SYT9: variants seen among roughly 807,000 people sequenced by gnomAD.
SYT9 encodes the protein synaptotagmin-9.
A neutral mutation model predicts 48.4 loss-of-function variants in SYT9; 22 were observed. The ratio of observed to expected loss-of-function variants is 0.45; its 90% CI spans 0.32 to 0.65. The LOEUF is 0.65. Among genes scored for constraint, SYT9 ranks in the 30% least tolerant of loss-of-function variants. SYT9 has a pLI of 0.03. For synonymous variants in SYT9, 265 were observed against 245.0 expected (o/e 1.08, Z -0.76); for missense variants, 577 against 622.0 (o/e 0.93, Z 0.77).
chr11:7,240,463 A>G (rs1007863305), intron 1 of SYT9, among the ~76,000 whole-genome samples: 8 of 152,184 alleles, frequency 5.3e-5, no homozygotes, highest in Non-Finnish European at 8.8e-5. Flanking sequence ...TTTTTTCTTG[A>G]ATAATATATG....
chr11:7,240,996 C>T (rs1388061575), intron 1 of SYT9, among the ~76,000 whole-genome samples: 3 of 151,988 alleles, frequency 2.0e-5, no homozygotes, highest in Non-Finnish European at 2.9e-5. Flanking sequence ...CACTGACAAA[C>T]CTGAGGAATT....
upstream of SYT9, among the ~76,000 whole-genome samples, chr11:7,247,344 T>C (rs558794800): frequency 1.9e-4 from 29 of 151,748 alleles, no homozygotes; most frequent in Non-Finnish European, 1.5e-4. Context: ...AGTGAGAACA[T>C]AAGATGTTTG....
chr11:7,309,656 C>G (rs1472295572), intron 2 of SYT9, among the ~76,000 whole-genome samples: 1 of 152,150 alleles, frequency 6.6e-6, no homozygotes, highest in Non-Finnish European at 1.5e-5. Flanking sequence ...GCGTTTTCTT[C>G]CCACCTCTGT....
Position 7,303,120 on chromosome 11 carries a change from A to G in SYT9, c.227A>G (p.Lys76Arg). ...GGCGTGTCTCTCTTCGTATCTTGGA[A>G]ACTCTGCTGGGTTCCGTGGCGAGAA... ...LFGVSLFVSW[K>R]LCWVPWRERG... The change falls in exon 2 of 7, where the codon AAA (lysine) becomes AGA (arginine). Residue 76 changes from lysine (K) to arginine (R), a missense_variant. Lys to Arg is a conservative substitution (Grantham distance 26). Coordinates refer to ENST00000318881, the MANE Select transcript of SYT9 (RefSeq NM_175733.4). 1 of 1,613,956 alleles carries G rather than the reference A, an allele frequency of 6.2e-7. No homozygotes were observed. The highest frequency in any genetic ancestry group is 1.1e-5 in the South Asian group (1 of 91,048).
chr11:7,444,686 G>GT (rs1564906437), intron 6 of SYT9: 2 of 152,146 alleles, frequency 1.3e-5, no homozygotes, highest in African/African-American at 4.8e-5. Context: ...AGAGCCGAGA[G>GT]TATCTCCTGG....
chr11:7,392,226 T>A (rs1846637710), intron 3 of SYT9, among the ~76,000 whole-genome samples: 1 of 152,152 alleles, frequency 6.6e-6, no homozygotes, highest in South Asian at 2.1e-4. Flanking sequence ...CTTCTAAGAT[T>A]TTTATAGTTT....
chr11:7,304,847 T>A (rs1021564797), intron 2 of SYT9, among the ~76,000 whole-genome samples: 1 of 152,216 alleles, frequency 6.6e-6, no homozygotes, highest in African/African-American at 2.4e-5. Flanking sequence ...CCTTTCAGTA[T>A]TTCAATAGCT....
At chr11:7,354,963 C>A (rs923248346) in intron 3 of SYT9, among the ~76,000 whole-genome samples, 3 of 152,030 alleles carry the variant, frequency 2.0e-5, no homozygotes, top group African/African-American at 4.8e-5. Context: ...ATATTAACAC[C>A]TGAATTTACC....
At chr11:7,266,906 T>C (rs944538347) in intron 1 of SYT9, among the ~76,000 whole-genome samples, 2 of 152,120 alleles carry the variant, frequency 1.3e-5, no homozygotes, top group Non-Finnish European at 2.9e-5. Flanking sequence ...GTTAGCTTTG[T>C]AGTACTTGAT....
At chr11:7,444,170 G>A (rs1010955843) in intron 6 of SYT9, 2 of 152,202 alleles carry the variant, frequency 1.3e-5, no homozygotes, top group African/African-American at 4.8e-5. Flanking sequence ...GAACTGACAG[G>A]TCTGAGAAAT....
chr11:7,454,104 C>T (rs916996629), intron 6 of SYT9: 3 of 985,306 alleles, frequency 3.0e-6, no homozygotes, highest in Admixed American at 6.1e-5. Context: ...TGCTGCTCCC[C>T]AGTCACTTTT....
intron 6 of SYT9, among the ~76,000 whole-genome samples, chr11:7,424,159 G>A (rs558723284): frequency 1.3e-5 from 2 of 152,168 alleles, no homozygotes; most frequent in East Asian, 3.9e-4. Context: ...CCCTGACCTT[G>A]CCAGGGCAGG....
chr11:7,251,126 A>ACC (rs984811907), upstream of SYT9, among the ~76,000 whole-genome samples: 5 of 127,332 alleles, frequency 3.9e-5, no homozygotes, highest in Non-Finnish European at 7.3e-5. Flanking sequence ...ACACACACAC[A>ACC]CACACACCCA....
At chr11:7,466,157 C>G (rs532810613) in intron 6 of SYT9, among the ~76,000 whole-genome samples, 3 of 152,334 alleles carry the variant, frequency 2.0e-5, no homozygotes, top group African/African-American at 7.2e-5. Context: ...TTTCCTCTAC[C>G]CCAAGTGACC....
Position 7,308,949 on chromosome 11 carries a change from G to T in SYT9, c.498-4446G>T, listed in dbSNP as rs572850561. Among the ~76,000 whole-genome samples, 26 of 152,332 alleles carry T rather than the reference G, an allele frequency of 1.7e-4. No homozygotes were observed. In the South Asian group the frequency reaches 4.3e-3, roughly 25 times the overall value. ...GGAAAGGAAAGGAGGAGAAAACCTT[G>T]TACCTCTGGGATTCTGGCCTTTCCT... On this transcript the variant is annotated intron_variant, in intron 2 of 6. Transcript: ENST00000318881.
intron 1 of SYT9, among the ~76,000 whole-genome samples, chr11:7,280,298 G>A (rs546012182): frequency 6.6e-6 from 1 of 152,350 alleles, no homozygotes; most frequent in East Asian, 1.9e-4. Context: ...ACAAATGAGT[G>A]TAGGCCCAAC....
At chr11:7,264,872 C>T (rs1848148306) in intron 1 of SYT9, among the ~76,000 whole-genome samples, 1 of 152,026 alleles carries the variant, frequency 6.6e-6, no homozygotes, top group African/African-American at 2.4e-5. Context: ...TGGGCTCTCC[C>T]AGGAATGTGG....
At chr11:7,255,007 G>A (rs7942860) in intron 1 of SYT9, among the ~76,000 whole-genome samples, 79,880 of 151,966 alleles carry the variant, frequency 0.53, 21,174 homozygotes, top group Admixed American at 0.56. Context: ...TGCAATTGTG[G>A]TTTAAAAAAA....
At position 7,428,436 on chromosome 11, in the gene SYT9, A is replaced by G. The variant is rs1309940708; in HGVS notation, c.1467+7801A>G. 2.0e-5 allele frequency among the ~76,000 whole-genome samples: 3 copies of G among 152,192 alleles called. No individual in the cohort carries two copies. The East Asian group carries it at 5.8e-4, about 29-fold the overall frequency. ...TGATAGGCCAGTTCTTTCCCCGCAG[A>G]TGAAATGAACCAGAGTGGTTTATGC... is the stretch of plus-strand genomic sequence containing the variant. On this transcript the variant is annotated intron_variant, in intron 6 of 6. Transcript: ENST00000318881.
Sources: gnomAD v4.1 joint callset for allele counts (sites outside exome capture counted in the v4.1 genomes callset) on GRCh38, gnomAD v4.1.1 for gene constraint, MANE v1.5 for transcripts, NCBI Gene and HGNC (gene_info 2026-07-23, HGNC 2026-07-21) for gene names.